The following AMDHD2 variants were observed in gnomAD, a reference collection of about 807,000 sequenced individuals.
AMDHD2 encodes the protein amidohydrolase domain containing 2.
Under a neutral mutation model 41.8 loss-of-function variants are expected in AMDHD2, and 24 were observed. The ratio of observed to expected loss-of-function variants is 0.57; its 90% CI spans 0.42 to 0.81. The LOEUF (loss-of-function observed/expected upper bound fraction) is 0.81, where lower values mean the gene tolerates loss of function less well. AMDHD2 is among the 30% of genes least tolerant of loss of function. The pLI, the probability that AMDHD2 is intolerant of heterozygous loss-of-function variation, is 0.00. For missense variants in AMDHD2, 540 were observed against 588.5 expected (o/e 0.92, Z 0.85); for synonymous variants, 332 against 255.5 (o/e 1.30, Z -2.85).
chr16:2,528,048 C>T lies in AMDHD2; in HGVS notation c.629-12C>T. The T allele has an allele frequency of 1.2e-6, 2 of 1,612,604 alleles. No individual in the cohort carries two copies. Among genetic ancestry groups the T allele is most frequent in the South Asian group, 2.2e-5 (2 of 91,078 alleles). ...CTGGGCCAGGTGCAAAGTCTGAATCCAGGTCCCGCAGGGCACTCAGTGGCT... is the reference window on the plus strand; with the variant it reads ...CTGGGCCAGGTGCAAAGTCTGAATCTAGGTCCCGCAGGGCACTCAGTGGCT... On this transcript the variant is annotated splice_polypyrimidine_tract_variant and intron_variant, in intron 5 of 10. Coordinates refer to ENST00000293971, the MANE Select transcript of AMDHD2 (RefSeq NM_001330449.2).
intron 3 of AMDHD2, among the ~76,000 whole-genome samples, chr16:2,525,626 G>T (rs2065994154): frequency 6.6e-6 from 1 of 151,908 alleles, no homozygotes; most frequent in Admixed American, 6.6e-5. Context: ...CTCACTGCAA[G>T]CTCCGCCTCC....
chr16:2,527,556 C>G lies in AMDHD2; in HGVS notation c.361-5C>G, dbSNP rs2066019160. ...GACAGGGCTTTAACAGCTGGTTCCC[C>G]CCAGGTTGTTCCTCAGATCCCTGTG... On this transcript the variant is annotated splice_polypyrimidine_tract_variant and splice_region_variant and intron_variant, in intron 3 of 10. Coordinates refer to ENST00000293971, the MANE Select transcript of AMDHD2 (RefSeq NM_001330449.2). This position sits in a 1 kb window ranked among gnomAD's most constrained non-coding sequence, Gnocchi z 6.1. The G allele has an allele frequency of 6.2e-7, 1 of 1,612,150 alleles. No individual in the cohort carries two copies. Among genetic ancestry groups the G allele is most frequent in the Non-Finnish European group, 8.5e-7 (1 of 1,179,320 alleles).
At chr16:2,521,186 C>G in intron 3 of AMDHD2, 63 bp downstream of exon 3, 1 of 1,485,740 alleles carries the variant, frequency 6.7e-7, no homozygotes, top group Non-Finnish European at 9.0e-7. Flanking sequence ...CCCTCATTTT[C>G]AAACTCACGC....
chr16:2,530,703 C>T lies in AMDHD2; in HGVS notation c.*1140C>T, dbSNP rs745387136. The T allele has an allele frequency of 6.2e-7, 1 of 1,614,070 alleles. No individual in the cohort carries two copies. On this transcript the variant is annotated 3_prime_UTR_variant, in exon 11 of 11. Coordinates refer to ENST00000293971, the MANE Select transcript of AMDHD2 (RefSeq NM_001330449.2). ...AAGAGATAGGATGGTCTGGGCCCCACCTGTTGGAAGGGAACAGCCAGGGAA... is the reference window on the plus strand; with the variant it reads ...AAGAGATAGGATGGTCTGGGCCCCATCTGTTGGAAGGGAACAGCCAGGGAA...
At chr16:2,520,677 G>T (rs1230820706) in intron 1 of AMDHD2, 92 bp from the exon 2 acceptor site, 25 of 1,343,274 alleles carry the variant, frequency 1.9e-5, no homozygotes, top group African/African-American at 6.4e-5. Context: ...ACCGGGCGGG[G>T]TGCAGGGTGC....
chr16:2,529,637 C>T lies in AMDHD2; in HGVS notation c.*74C>T, dbSNP rs2066058998. 3.1e-6 allele frequency: 5 copies of T among 1,592,704 alleles called. No individual in the cohort carries two copies. The highest frequency in any genetic ancestry group is 4.3e-6 in the Non-Finnish European group (5 of 1,175,976). ...GGCCGGGTGGTTGGGGAGCTGGTCT[C>T]CAGGGAGTGAGTCGGGAGCCCTGCT... On this transcript the variant is annotated 3_prime_UTR_variant, in exon 11 of 11. Coordinates refer to ENST00000293971, the MANE Select transcript of AMDHD2 (RefSeq NM_001330449.2).
At chr16:2,526,857 G>A (rs1201448643) in intron 3 of AMDHD2, among the ~76,000 whole-genome samples, 3 of 152,156 alleles carry the variant, frequency 2.0e-5, no homozygotes, top group Non-Finnish European at 4.4e-5. Context: ...TTGAACTCAG[G>A]AGGCAGAGGT....
chr16:2,520,681 A>T (rs1272769440), intron 1 of AMDHD2, 88 bp from the exon 2 acceptor site: 2 of 1,189,558 alleles, frequency 1.7e-6, no homozygotes, highest in Admixed American at 5.9e-5. Flanking sequence ...GGCGGGGTGC[A>T]GGGTGCGGGG....
chr16:2,530,934 G>C lies in AMDHD2; in HGVS notation c.*1371G>C, dbSNP rs374505516. The C allele has an allele frequency of 2.7e-5, 44 of 1,613,510 alleles. 1 individual carries two copies. The highest frequency in any genetic ancestry group is 3.5e-5 in the Non-Finnish European group (41 of 1,179,988). ...CTTAGGAAGTGGCTGTCCAGCGCCT[G>C]CCTGTGCTGGGCCTGGGAGAGGAGC... On this transcript the variant is annotated 3_prime_UTR_variant, in exon 11 of 11. Coordinates refer to ENST00000293971, the MANE Select transcript of AMDHD2 (RefSeq NM_001330449.2).
intron 3 of AMDHD2, among the ~76,000 whole-genome samples, chr16:2,525,786 C>T (rs556093486): frequency 2.4e-4 from 36 of 152,308 alleles, no homozygotes; most frequent in South Asian, 6.2e-4. Context: ...CCTCGTGATC[C>T]GCCTGCCTTG....
At chr16:2,526,647 C>A (rs190312233) in intron 3 of AMDHD2, among the ~76,000 whole-genome samples, 367 of 147,906 alleles carry the variant, frequency 2.5e-3, no homozygotes, top group Non-Finnish European at 4.0e-3. Flanking sequence ...TCTTAAAAGT[C>A]TTACCGTTGG....
At chr16:2,522,358 C>T (rs942936970) in intron 3 of AMDHD2, among the ~76,000 whole-genome samples, 3 of 152,086 alleles carry the variant, frequency 2.0e-5, no homozygotes, top group East Asian at 1.9e-4. Flanking sequence ...GCTGGCACTA[C>T]GGGCTTGTGC....
In AMDHD2 at chr16:2,528,314, ATG is replaced by A; in HGVS notation, c.797_798del (p.Met266AsnfsTer105). 6.2e-7 allele frequency: 1 copy of A among 1,612,626 alleles called. No individual in the cohort carries two copies. Among genetic ancestry groups the A allele is most frequent in the Non-Finnish European group, 8.5e-7 (1 of 1,179,904 alleles). ...CGCAGGCCGCTGCATCTTCTATGGG[ATG>A]ATTGCAGATGGCACGCACACCAACC... Reference protein sequence around the residue: ...LPAGRCIFYGMIADGTHTNPA... With the variant: ...LPAGRCIFYGXIADGTHTNPA... On this transcript the variant is annotated frameshift_variant, in exon 7 of 11. Transcript: ENST00000293971. LOFTEE classifies it high-confidence loss of function.
chr16:2,528,126 A>C lies in AMDHD2; in HGVS notation c.695A>C (p.His232Pro). The change falls in exon 6 of 11, where the codon CAC becomes CCC. Residue 232 changes from histidine to proline, a missense_variant. His to Pro is a moderately conservative substitution (Grantham distance 77, BLOSUM62 -2). Transcript: ENST00000293971. ...AVWSGATFIT[H>P]LFNAMLPFHH... is the part of the protein sequence containing the mutation. Reference sequence around the variant, plus strand: ...TGGAGCGGAGCCACCTTCATCACCCACCTCTTCAACGCCATGCTGCCTGTG... The same window carrying C: ...TGGAGCGGAGCCACCTTCATCACCCCCCTCTTCAACGCCATGCTGCCTGTG... The C allele has an allele frequency of 3.1e-6, 5 of 1,612,544 alleles. No individual in the cohort carries two copies. Among genetic ancestry groups the C allele is most frequent in the Non-Finnish European group, 4.2e-6 (5 of 1,179,702 alleles).
chr16:2,526,556 C>T (rs971230622), intron 3 of AMDHD2, among the ~76,000 whole-genome samples: 1 of 151,924 alleles, frequency 6.6e-6, no homozygotes, highest in Admixed American at 6.6e-5. Context: ...TGCCCAGTGT[C>T]CCTCTTGCCA....
Position 2,530,656 on chromosome 16 carries a change from T to A in AMDHD2, c.*1093T>A, listed in dbSNP as rs763935842. 6.2e-7 allele frequency: 1 copy of A among 1,614,174 alleles called. No individual in the cohort carries two copies. The highest frequency in any genetic ancestry group is 1.1e-5 in the South Asian group (1 of 91,080). On this transcript the variant is annotated 3_prime_UTR_variant, in exon 11 of 11. Transcript: ENST00000293971. ...TCTTCCCTCTGCTGCAAAGCCCAGT[T>A]AAGGAAATGTCTCCAGGTCCAAAGA...
chr16:2,527,684 C>T lies in AMDHD2; in HGVS notation c.415+69C>T, dbSNP rs1354783456. 12 of 1,567,740 alleles carry T rather than the reference C, an allele frequency of 7.7e-6. No homozygotes were observed. Among genetic ancestry groups the T allele is most frequent in the East Asian group, 4.6e-5 (2 of 43,676 alleles). On this transcript the variant is annotated intron_variant, in intron 4 of 10. Coordinates refer to ENST00000293971, the MANE Select transcript of AMDHD2 (RefSeq NM_001330449.2). This position sits in a 1 kb window ranked among gnomAD's most constrained non-coding sequence, Gnocchi z 6.1. Reference sequence around the variant, plus strand: ...TGCGGGACCTGTTGGCAGCCCCCACCCCTCCAGATGCCCAGCTGGTGGGGA... The same window carrying T: ...TGCGGGACCTGTTGGCAGCCCCCACTCCTCCAGATGCCCAGCTGGTGGGGA...
Position 2,530,001 on chromosome 16 carries a change from G to T in AMDHD2, c.*438G>T. ...ATGGGCTGGGGGTGAAGAGCCGGCA[G>T]GAAGGGGACCAGTCACAGGGAGTGT... On this transcript the variant is annotated 3_prime_UTR_variant, in exon 11 of 11. Transcript: ENST00000293971. 1 of 734,474 alleles carries T rather than the reference G, an allele frequency of 1.4e-6. No individual in the cohort carries two copies. The highest frequency in any genetic ancestry group is 2.1e-6 in the Non-Finnish European group (1 of 469,810). The allele number at this position is 734,474 out of a possible 1,614,324, so 45.5% of individuals were successfully genotyped here.
chr16:2,527,846 C>T lies in AMDHD2; in HGVS notation c.489C>T (p.Phe163=), dbSNP rs756602365. 25 of 1,597,184 alleles carry T rather than the reference C, an allele frequency of 1.6e-5. No individual in the cohort carries two copies. The highest frequency in any genetic ancestry group is 7.7e-5 in the South Asian group (7 of 90,818). The change falls in exon 5 of 11, where the codon TTC becomes TTT. Residue 163 remains phenylalanine, a synonymous_variant. Coordinates refer to ENST00000293971, the MANE Select transcript of AMDHD2 (RefSeq NM_001330449.2). The surrounding 1 kb of genome is among the most constrained non-coding windows in gnomAD (Gnocchi z 6.1). ...ACCCCGAGGCCCACCTCCGCTCCTTCGAGGCCGATGCCTTCCAGGACTTGC... is the reference window on the plus strand; with the variant it reads ...ACCCCGAGGCCCACCTCCGCTCCTTTGAGGCCGATGCCTTCCAGGACTTGC... The part of the protein sequence containing the change: ...GAHPEAHLRS[F]EADAFQDLLA...
Sources: gnomAD v4.1 joint callset for allele counts (sites outside exome capture counted in the v4.1 genomes callset) on GRCh38, gnomAD v4.1.1 for gene constraint, Gnocchi (gnomAD v3.1) non-coding constraint, MANE v1.5 for transcripts, NCBI Gene and HGNC (gene_info 2026-07-23, HGNC 2026-07-21) for gene names.